Variants in NKAIN3 observed in about 807,000 individuals in gnomAD.
NKAIN3 encodes the protein sodium/potassium transporting ATPase interacting 3.
A neutral mutation model predicts 30.2 loss-of-function variants in NKAIN3; 25 were observed. The ratio of observed to expected loss-of-function variants is 0.83; its 90% confidence interval spans 0.60 to 1.16. The LOEUF is 1.16. Among genes scored for constraint, NKAIN3 ranks in the 50% most tolerant of loss-of-function variants. The pLI is 0.00. For missense variants in NKAIN3, 225 were observed against 254.1 expected, an observed-to-expected ratio of 0.89 and a Z score of 0.78; for synonymous variants, 91 against 89.6, an observed-to-expected ratio of 1.02 and a Z score of -0.09.
rs77892936 is a variant in NKAIN3, at chr8:62,925,908, C to A, written c.532+7395C>A. ...CTAAAACAGGCCCTCTACACGAATGCCTGCCCGCTCAGAAGGAGGAATCAC... is the reference window on the plus strand; with the variant it reads ...CTAAAACAGGCCCTCTACACGAATGACTGCCCGCTCAGAAGGAGGAATCAC... On this transcript the variant is annotated intron_variant, in intron 5 of 6. Transcript: ENST00000623646. 8.4e-3 allele frequency among the ~76,000 whole-genome samples: 1,283 copies of A among 152,184 alleles called. 15 individuals are homozygous for A. The highest frequency in any genetic ancestry group is 0.01 in the Non-Finnish European group (700 of 68,014).
intron 3 of NKAIN3, among the ~76,000 whole-genome samples, chr8:62,635,754 C>G (rs1346562210): frequency 1.3e-5 from 2 of 152,130 alleles, no homozygotes; most frequent in Admixed American, 1.3e-4. Flanking sequence ...GACTTTCCAA[C>G]CTCCAGATAT....
At chr8:62,909,403 A>G (rs1821869532) in intron 4 of NKAIN3, among the ~76,000 whole-genome samples, 2 of 152,224 alleles carry the variant, frequency 1.3e-5, no homozygotes, top group Admixed American at 6.5e-5. Flanking sequence ...CCTTTAGTGA[A>G]AGACAAAAGT....
chr8:62,650,325 C>A (rs1812586311), intron 3 of NKAIN3, among the ~76,000 whole-genome samples: 1 of 152,222 alleles, frequency 6.6e-6, no homozygotes, highest in Non-Finnish European at 1.5e-5. Context: ...TAACAATGCT[C>A]TAATTGGTCT....
rs201324263 is a variant in NKAIN3 at position 62,577,479 on chromosome 8, T to G, written c.55-2060T>G. Among the ~76,000 whole-genome samples, 398 of 128,406 alleles carry G rather than the reference T, an allele frequency of 3.1e-3. 1 individual carries two copies. Among genetic ancestry groups the G allele is most frequent in the African/African-American group, 0.011 (339 of 29,632 alleles). The allele number at this position is 128,406 out of a possible 152,430, so 84.2% of individuals were successfully genotyped here. A position where few individuals can be genotyped will look rare whatever the true frequency, so the allele number is the denominator to read the frequency against. ...TGTTTTTTTGTTGTTTTTTTTTTGG[T>G]TTTTTTTTTTGTTTGTTTTTCTGAA... On this transcript the variant is annotated intron_variant, in intron 1 of 6. Transcript: ENST00000623646.
intron 4 of NKAIN3, among the ~76,000 whole-genome samples, chr8:62,808,442 G>A (rs1818375280): frequency 1.3e-5 from 2 of 152,102 alleles, no homozygotes; most frequent in African/African-American, 4.8e-5. Context: ...ATTGCATTAG[G>A]TTGGTAAGCA....
At chr8:62,604,911 T>G (rs1318648272) in intron 3 of NKAIN3, among the ~76,000 whole-genome samples, 1 of 152,130 alleles carries the variant, frequency 6.6e-6, no homozygotes, top group Non-Finnish European at 1.5e-5. Context: ...TCGTCCATAA[T>G]CTATTCCCGC....
At chr8:62,360,653 G>A (rs984514593) in intron 1 of NKAIN3, among the ~76,000 whole-genome samples, 14 of 152,202 alleles carry the variant, frequency 9.2e-5, no homozygotes, top group African/African-American at 3.4e-4. Context: ...ATTCAGAGTC[G>A]AGTTCAGGTC....
At chr8:62,739,314 A>G (rs951748005) in intron 3 of NKAIN3, among the ~76,000 whole-genome samples, 2 of 152,286 alleles carry the variant, frequency 1.3e-5, no homozygotes, top group Middle Eastern at 3.4e-3. Context: ...AGAATTATCT[A>G]TTTGTAAACT....
intron 4 of NKAIN3, among the ~76,000 whole-genome samples, chr8:62,907,633 A>T (rs1346170816): frequency 6.6e-6 from 1 of 152,144 alleles, no homozygotes; most frequent in African/African-American, 2.4e-5. Context: ...AGTTGTGGCT[A>T]AAAGGGGCCA....
intron 5 of NKAIN3, among the ~76,000 whole-genome samples, chr8:62,989,987 G>T (rs962539863): frequency 6.6e-6 from 1 of 152,054 alleles, no homozygotes; most frequent in Admixed American, 6.6e-5. Flanking sequence ...TGCACACAAA[G>T]GTAAGTGTTA....
chr8:62,895,599 C>T (rs1216815446), intron 4 of NKAIN3, among the ~76,000 whole-genome samples: 1 of 152,204 alleles, frequency 6.6e-6, no homozygotes, highest in African/African-American at 2.4e-5. Flanking sequence ...TAGGAGCCTT[C>T]TCCCAACTAG....
At chr8:62,323,929 A>C (rs1034978594) in intron 1 of NKAIN3, among the ~76,000 whole-genome samples, 3 of 152,148 alleles carry the variant, frequency 2.0e-5, no homozygotes, top group Non-Finnish European at 2.9e-5. Context: ...TAAAACGATT[A>C]GTGGTTTTAA....
At chr8:62,772,405 C>T (rs1817046532) in intron 4 of NKAIN3, among the ~76,000 whole-genome samples, 1 of 149,882 alleles carries the variant, frequency 6.7e-6, no homozygotes, top group African/African-American at 2.5e-5. Flanking sequence ...TTTTGAGAAA[C>T]GTCCAAAGTC....
chr8:62,615,167 G>GA (rs1554554419), intron 3 of NKAIN3, among the ~76,000 whole-genome samples: 1 of 151,944 alleles, frequency 6.6e-6, no homozygotes, highest in Non-Finnish European at 1.5e-5. Context: ...GTAGTACCTG[G>GA]TATTGCTGCT....
At chr8:62,766,136 A>G (rs1816830900) in intron 4 of NKAIN3, among the ~76,000 whole-genome samples, 1 of 152,224 alleles carries the variant, frequency 6.6e-6, no homozygotes, top group Non-Finnish European at 1.5e-5. Flanking sequence ...ACACAGTCCT[A>G]TGCTGATGAT....
chr8:62,713,823 A>T lies in NKAIN3; in HGVS notation c.274-33109A>T, dbSNP rs576839893. ...GAGTTTTAGTTTATTGCTTCTGTAT[A>T]AATTTCATTAGGTTTCTGAGGAAGC... On this transcript the variant is annotated intron_variant, in intron 3 of 6. Coordinates refer to ENST00000623646, the MANE Select transcript of NKAIN3 (RefSeq NM_001304533.3). 1.6e-4 allele frequency among the ~76,000 whole-genome samples: 25 copies of T among 152,296 alleles called. No individual in the cohort carries two copies. In the South Asian group the frequency reaches 5.2e-3, roughly 32 times the overall value.
At chr8:62,794,462 TG>T (rs1210651701) in intron 4 of NKAIN3, among the ~76,000 whole-genome samples, 1 of 152,198 alleles carries the variant, frequency 6.6e-6, no homozygotes, top group African/African-American at 2.4e-5. Flanking sequence ...TCCTGGATTC[TG>T]AAGCGGCTCT....
intron 1 of NKAIN3, among the ~76,000 whole-genome samples, chr8:62,517,176 G>A (rs1808018121): frequency 6.6e-6 from 1 of 152,042 alleles, no homozygotes; most frequent in African/African-American, 2.4e-5. Context: ...TTTAGGTCAT[G>A]GCAGCAATAT....
intron 3 of NKAIN3, among the ~76,000 whole-genome samples, chr8:62,745,283 A>G (rs1816031306): frequency 6.6e-6 from 1 of 152,252 alleles, no homozygotes; most frequent in African/African-American, 2.4e-5. Context: ...GTTGTGCTGC[A>G]TAGTCTGCGG....
Sources: gnomAD v4.1 joint callset for allele counts (sites outside exome capture counted in the v4.1 genomes callset) on GRCh38, gnomAD v4.1.1 for gene constraint, MANE v1.5 for transcripts, NCBI Gene and HGNC (gene_info 2026-07-23, HGNC 2026-07-21) for gene names.